Variants in TGFBR3 observed in about 807,000 individuals in gnomAD.
TGFBR3 encodes the protein transforming growth factor beta receptor 3, also known as transforming growth factor beta receptor type 3.
In TGFBR3, 46 loss-of-function variants were observed where a neutral mutation model predicts 87.9. The ratio of observed to expected loss-of-function variants is 0.52; its 90% CI spans 0.41 to 0.67. TGFBR3 has a LOEUF of 0.67. TGFBR3 is among the 30% of genes least tolerant of loss of function. The pLI is 0.00. For missense variants in TGFBR3, 866 were observed against 1,041.9 expected, an observed-to-expected ratio of 0.83 and a Z score of 2.32; for synonymous variants, 381 against 391.6, an observed-to-expected ratio of 0.97 and a Z score of 0.32.
In TGFBR3 at chr1:91,731,393, G is replaced by A. The variant is rs529523372; in HGVS notation, c.569-1420C>T. ...AAGGGGACCAAAGCCTCTGTTTGTC[G>A]GCTCGTTGCGAGAGAGCATTGGGTT... On this transcript the variant is annotated intron_variant, in intron 5 of 16. Coordinates refer to ENST00000212355, the MANE Select transcript of TGFBR3 (RefSeq NM_003243.5). Among the ~76,000 whole-genome samples, 13 of 152,224 alleles carry A rather than the reference G, an allele frequency of 8.5e-5. No homozygotes were observed. The East Asian group carries it at 1.9e-3, about 23-fold the overall frequency.
Position 91,683,660 on chromosome 1 carries a change from TC to T in TGFBR3, c.*78del. The T allele has an allele frequency of 8.4e-7, 1 of 1,197,034 alleles. No individual in the cohort carries two copies. 74.2% of individuals were successfully genotyped at this position (1,197,034 alleles called of 1,614,324 possible). Reference sequence around the variant, plus strand: ...AGCCCTCTGAGTCTGGACACGAGGCTCAGCCATTGGTCCTGCCCTTGGCAGT... The same window carrying T: ...AGCCCTCTGAGTCTGGACACGAGGCTAGCCATTGGTCCTGCCCTTGGCAGT... On this transcript the variant is annotated 3_prime_UTR_variant, in exon 17 of 17. Transcript: ENST00000212355.
At chr1:91,745,557 C>A (rs888556910) in intron 4 of TGFBR3, among the ~76,000 whole-genome samples, 1 of 152,170 alleles carries the variant, frequency 6.6e-6, no homozygotes, top group African/African-American at 2.4e-5. Flanking sequence ...GTATTTTGGA[C>A]ACACAAAGTC....
intron 4 of TGFBR3, among the ~76,000 whole-genome samples, chr1:91,751,874 T>TC (rs1170559752): frequency 1.1e-4 from 16 of 152,204 alleles, no homozygotes; most frequent in Admixed American, 1.0e-3. Flanking sequence ...GAGGCAATGC[T>TC]CAATTTGCCA....
chr1:91,815,577 C>G (rs1244836304), intron 2 of TGFBR3, among the ~76,000 whole-genome samples: 1 of 152,154 alleles, frequency 6.6e-6, no homozygotes, highest in Non-Finnish European at 1.5e-5. Context: ...GGAAAGAACA[C>G]TACATTTGGA....
chr1:91,878,147 G>GA (rs1182824809), intron 1 of TGFBR3, among the ~76,000 whole-genome samples: 3 of 151,702 alleles, frequency 2.0e-5, no homozygotes, highest in Admixed American at 6.6e-5. Flanking sequence ...TTGTTTTAAA[G>GA]AAAAAACCAT....
intron 1 of TGFBR3, among the ~76,000 whole-genome samples, chr1:91,882,187 C>T (rs191287187): frequency 4.7e-4 from 67 of 143,484 alleles, no homozygotes; most frequent in African/African-American, 1.5e-3. Context: ...GCCAGGCTGG[C>T]GTGCAGTGGC....
chr1:91,800,483 C>G (rs1675578772), intron 2 of TGFBR3, among the ~76,000 whole-genome samples: 2 of 150,940 alleles, frequency 1.3e-5, no homozygotes, highest in Admixed American at 1.3e-4. Flanking sequence ...GTACTCCAGC[C>G]TGGGTGACAG....
At chr1:91,898,246 A>ATATGTG (rs1203185182) in intron 2 of TGFBR3, among the ~76,000 whole-genome samples, 3 of 152,032 alleles carry the variant, frequency 2.0e-5, no homozygotes, top group African/African-American at 7.2e-5. Flanking sequence ...TTTCTTCCGC[A>ATATGTG]TATGTGTGTG....
intron 2 of TGFBR3, among the ~76,000 whole-genome samples, chr1:91,857,403 G>A (rs1344027935): frequency 6.6e-6 from 1 of 151,390 alleles, no homozygotes; most frequent in African/African-American, 2.4e-5. Context: ...TTCCGTGCTA[G>A]GCCAGGTTTT....
At chr1:91,862,714 G>A (rs1678246658) in intron 1 of TGFBR3, among the ~76,000 whole-genome samples, 1 of 152,172 alleles carries the variant, frequency 6.6e-6, no homozygotes, top group Admixed American at 6.5e-5. Context: ...AACATGTACT[G>A]AGCATTTACT....
chr1:91,869,896 C>T (rs866173689), intron 1 of TGFBR3, among the ~76,000 whole-genome samples: 1 of 152,154 alleles, frequency 6.6e-6, no homozygotes, highest in South Asian at 2.1e-4. Flanking sequence ...ATTGTCATTA[C>T]ATGGACTAAT....
intron 7 of TGFBR3, among the ~76,000 whole-genome samples, chr1:91,723,124 T>C (rs1300999017): frequency 6.6e-6 from 1 of 152,190 alleles, no homozygotes. Context: ...TATTAATTAA[T>C]TAATTTAGGT....
At chr1:91,896,931 T>TC (rs1679565952) in intron 2 of TGFBR3, among the ~76,000 whole-genome samples, 1 of 151,148 alleles carries the variant, frequency 6.6e-6, no homozygotes, top group Non-Finnish European at 1.5e-5. Flanking sequence ...TTTTTTTTTT[T>TC]TTAGGGAGTG....
At chr1:91,841,103 G>A (rs1254689356) in intron 2 of TGFBR3, among the ~76,000 whole-genome samples, 3 of 152,112 alleles carry the variant, frequency 2.0e-5, no homozygotes, top group African/African-American at 7.2e-5. Flanking sequence ...GAGCCCCCGC[G>A]CCCGGCTCAC....
chr1:91,829,099 G>T (rs1481616252), intron 2 of TGFBR3, among the ~76,000 whole-genome samples: 2 of 152,076 alleles, frequency 1.3e-5, no homozygotes, highest in African/African-American at 4.8e-5. Flanking sequence ...AGTGTGGCTG[G>T]GCACGATGGC....
intron 3 of TGFBR3, among the ~76,000 whole-genome samples, chr1:91,779,855 T>G (rs944655287): frequency 3.3e-5 from 5 of 152,100 alleles, no homozygotes; most frequent in African/African-American, 1.2e-4. Context: ...AAGTCCAAAA[T>G]CAGCATTGCT....
intron 2 of TGFBR3, among the ~76,000 whole-genome samples, chr1:91,813,755 C>CA (rs1471302056): frequency 6.6e-6 from 1 of 152,210 alleles, no homozygotes; most frequent in African/African-American, 2.4e-5. Context: ...CCCTCTATGG[C>CA]AGCAGTCCCC....
At chr1:91,727,588 C>T in intron 7 of TGFBR3, 71 bp downstream of exon 7, 1 of 1,585,192 alleles carries the variant, frequency 6.3e-7, no homozygotes, top group Non-Finnish European at 8.7e-7. Context: ...TTAAAAATAA[C>T]ACTTATAAAG....
chr1:91,841,390 G>C (rs1038210048), intron 2 of TGFBR3, among the ~76,000 whole-genome samples: 1 of 152,212 alleles, frequency 6.6e-6, no homozygotes, highest in African/African-American at 2.4e-5. Context: ...ATGTTTTACT[G>C]CAAGTGTGTG....
Sources: allele counts gnomAD v4.1 joint callset (sites outside exome capture counted in the v4.1 genomes callset), GRCh38; gene constraint gnomAD v4.1.1; transcripts MANE v1.5; gene names NCBI Gene and HGNC (gene_info 2026-07-23, HGNC 2026-07-21).